Variants in SEMA6D observed in about 807,000 individuals in gnomAD.
SEMA6D encodes semaphorin 6D.
Under a neutral mutation model 106.6 loss-of-function variants are expected in SEMA6D, and 35 were observed. That is an observed-to-expected ratio of 0.33 (90% confidence interval 0.25 to 0.44). The LOEUF is 0.44. Among genes scored for constraint, SEMA6D ranks in the 20% least tolerant of loss-of-function variants. The probability of loss-of-function intolerance (pLI) is 1.00; values close to 1 mark genes in which losing one functional copy is unlikely to be tolerated. For synonymous variants in SEMA6D, 499 were observed against 487.7 expected (o/e 1.02, Z -0.31); for missense variants, 1,185 against 1,345.9 (o/e 0.88, Z 1.87).
chr15:47,371,290 CAT>C (rs557088584), intron 1 of SEMA6D, among the ~76,000 whole-genome samples: 179 of 152,328 alleles, frequency 1.2e-3, no homozygotes, highest in African/African-American at 4.2e-3. Context: ...AAGGATGACA[CAT>C]GTTTAACTCC....
chr15:47,727,741 C>G (rs933261587), intron 1 of SEMA6D, among the ~76,000 whole-genome samples: 1 of 147,698 alleles, frequency 6.8e-6, no homozygotes, highest in Non-Finnish European at 1.5e-5. Flanking sequence ...TTTCTGCTGA[C>G]CGGCCTATAT....
chr15:47,394,631 C>T (rs146818153), intron 1 of SEMA6D, among the ~76,000 whole-genome samples: 4 of 152,252 alleles, frequency 2.6e-5, no homozygotes, highest in African/African-American at 7.2e-5. Context: ...GCATTTCAGC[C>T]GATTCCTTTC....
chr15:47,407,618 CCTT>C (rs2146131459), intron 1 of SEMA6D, among the ~76,000 whole-genome samples: 1 of 152,200 alleles, frequency 6.6e-6, no homozygotes, highest in South Asian at 2.1e-4. Flanking sequence ...TTCCTACCCA[CCTT>C]CTTGGTGCAA....
chr15:47,694,534 T>A (rs1340019845), intron 4 of SEMA6D, among the ~76,000 whole-genome samples: 1 of 152,090 alleles, frequency 6.6e-6, no homozygotes, highest in Non-Finnish European at 1.5e-5. Flanking sequence ...CCTGTGCCCC[T>A]CTTCAACTAA....
chr15:47,376,540 C>T (rs1567037299), intron 1 of SEMA6D, among the ~76,000 whole-genome samples: 1 of 152,080 alleles, frequency 6.6e-6, no homozygotes, highest in Non-Finnish European at 1.5e-5. Flanking sequence ...CTAGTGTCGC[C>T]TAAAATTGCT....
intron 1 of SEMA6D, among the ~76,000 whole-genome samples, chr15:47,219,153 G>C (rs2030952533): frequency 6.6e-6 from 1 of 152,100 alleles, no homozygotes; most frequent in South Asian, 2.1e-4. Context: ...CCATCTTATA[G>C]AAGAATACCT....
At chr15:47,648,267 C>T (rs2077618732) in intron 4 of SEMA6D, among the ~76,000 whole-genome samples, 1 of 152,182 alleles carries the variant, frequency 6.6e-6, no homozygotes, top group African/African-American at 2.4e-5. Flanking sequence ...TGGGCTTCCT[C>T]CTGGTGCTCC....
Position 47,258,721 on chromosome 15 carries a change from G to A in SEMA6D, c.-239+74303G>A, listed in dbSNP as rs74013762. On this transcript the variant is annotated intron_variant, in intron 1 of 19. Transcript: ENST00000558014. ...CCTTCCAGCTTGCAGACAACAGATG[G>A]TGGGGCTTCTCTGCTCCGTAATTGT... is the stretch of plus-strand genomic sequence containing the variant. 3.6e-3 allele frequency among the ~76,000 whole-genome samples: 553 copies of A among 152,178 alleles called. 1 individual carries two copies. The highest frequency in any genetic ancestry group is 0.013 in the African/African-American group (526 of 41,530).
At chr15:47,301,503 G>T (rs2036015991) in intron 1 of SEMA6D, among the ~76,000 whole-genome samples, 1 of 152,236 alleles carries the variant, frequency 6.6e-6, no homozygotes, top group African/African-American at 2.4e-5. Context: ...CTCCACCTTG[G>T]CTGTTTGTGA....
intron 1 of SEMA6D, among the ~76,000 whole-genome samples, chr15:47,288,909 A>G (rs62000196): frequency 0.018 from 2,782 of 152,244 alleles, 52 homozygotes; most frequent in African/African-American, 0.024. Flanking sequence ...GCTTCCTTCA[A>G]TTAGTTTCCT....
At chr15:47,717,503 C>G (rs1053016586), upstream of SEMA6D, 4 of 154,728 alleles carry the variant, frequency 2.6e-5, no homozygotes, top group Admixed American at 6.5e-5. Context: ...TGCTCCTGCT[C>G]TGTCCCGCTG....
In SEMA6D at chr15:47,771,998, C is replaced by T. The variant is rs1008012929; in HGVS notation, c.*213C>T. ...ACTTGCCTGAAAACAAAGGAAGGTG[C>T]TGGTCATTCCATTTCTTTTGTTTGA... On this transcript the variant is annotated 3_prime_UTR_variant, in exon 19 of 19. Coordinates refer to ENST00000536845, the MANE Select transcript of SEMA6D (RefSeq NM_001358351.3). The T allele has an allele frequency of 1.4e-5, 8 of 558,306 alleles. No homozygotes were observed. Among genetic ancestry groups the T allele is most frequent in the Non-Finnish European group, 2.2e-5 (7 of 316,464 alleles). 34.6% of individuals were successfully genotyped at this position (558,306 alleles called of 1,614,324 possible).
intron 1 of SEMA6D, among the ~76,000 whole-genome samples, chr15:47,222,268 A>G (rs1355597899): frequency 6.6e-6 from 1 of 152,226 alleles, no homozygotes; most frequent in Non-Finnish European, 1.5e-5. Flanking sequence ...AAATGGAGCA[A>G]GCAGTCATGG....
chr15:47,517,393 C>T (rs967377938), intron 3 of SEMA6D, among the ~76,000 whole-genome samples: 12 of 151,758 alleles, frequency 7.9e-5, no homozygotes, highest in Admixed American at 7.2e-4. Context: ...TGAGTGTGTG[C>T]GTGTGTGTGT....
chr15:47,255,469 A>G (rs1284091658), intron 1 of SEMA6D, among the ~76,000 whole-genome samples: 1 of 151,716 alleles, frequency 6.6e-6, no homozygotes, highest in African/African-American at 2.4e-5. Flanking sequence ...TTCTCCTTGT[A>G]CTAATTTTGG....
At chr15:47,471,771 A>G (rs1323510948) in intron 3 of SEMA6D, among the ~76,000 whole-genome samples, 1 of 152,168 alleles carries the variant, frequency 6.6e-6, no homozygotes, top group African/African-American at 2.4e-5. Context: ...TCCTGGGAAG[A>G]GAGCGAGGCA....
chr15:47,705,837 G>A (rs2078902803), intron 4 of SEMA6D, among the ~76,000 whole-genome samples: 1 of 152,166 alleles, frequency 6.6e-6, no homozygotes, highest in African/African-American at 2.4e-5. Flanking sequence ...AGCTCTCAAG[G>A]CTTAAGGCCA....
chr15:47,274,556 A>G lies in SEMA6D; in HGVS notation c.-239+90138A>G, dbSNP rs190083639. On this transcript the variant is annotated intron_variant, in intron 1 of 19. Transcript: ENST00000558014. ...TCGAAATAAAAGCTAAGAAAAGTTG[A>G]AAAGGAATCAGAGAATTAGGGAAAG... Among the ~76,000 whole-genome samples, 459 of 152,318 alleles carry G rather than the reference A, an allele frequency of 3.0e-3. 1 individual carries two copies. The highest frequency in any genetic ancestry group is 6.8e-3 in the Middle Eastern group (2 of 294).
chr15:47,212,309 C>T (rs1261461498), intron 1 of SEMA6D, among the ~76,000 whole-genome samples: 1 of 152,170 alleles, frequency 6.6e-6, no homozygotes, highest in Non-Finnish European at 1.5e-5. Context: ...ATTCCCTCAT[C>T]ACTTTGTTGT....
Sources: gnomAD v4.1 joint callset for allele counts (sites outside exome capture counted in the v4.1 genomes callset) on GRCh38, gnomAD v4.1.1 for gene constraint, MANE v1.5 for transcripts, NCBI Gene and HGNC (gene_info 2026-07-23, HGNC 2026-07-21) for gene names.